The following TBC1D14 variants were observed in gnomAD, a reference collection of about 807,000 sequenced individuals.
The protein encoded by TBC1D14 is TBC1 domain family member 14.
Under a neutral mutation model 79.0 loss-of-function variants are expected in TBC1D14, and 26 were observed. The ratio of observed to expected loss-of-function variants is 0.33; its 90% CI spans 0.24 to 0.46. The LOEUF (loss-of-function observed/expected upper bound fraction) is 0.46. TBC1D14 is among the 20% of genes least tolerant of loss of function. The pLI is 1.00. For synonymous variants in TBC1D14, 394 were observed against 349.9 expected (o/e 1.13, Z -1.40); for missense variants, 769 against 887.6 (o/e 0.87, Z 1.70).
chr4:7,030,467 C>T lies in TBC1D14; in HGVS notation c.*75C>T, dbSNP rs1371578122. On this transcript the variant is annotated 3_prime_UTR_variant, in exon 14 of 14. Transcript: ENST00000409757. ...GCCCCTCTGTTGTTTCAGACTGACA[C>T]CCGGGCAGCCGAGAAGAACAGACGC... The T allele has an allele frequency of 2.0e-6, 3 of 1,489,468 alleles. No individual in the cohort carries two copies. The highest frequency in any genetic ancestry group is 1.1e-5 in the South Asian group (1 of 88,022). The allele number at this position is 1,489,468 out of a possible 1,614,324, so 92.3% of individuals were successfully genotyped here.
At chr4:6,968,747 G>A (rs954117187) in intron 3 of TBC1D14, among the ~76,000 whole-genome samples, 3 of 152,236 alleles carry the variant, frequency 2.0e-5, no homozygotes, top group South Asian at 2.1e-4. Flanking sequence ...CGCTGCACCC[G>A]GTAGCCTGCC....
Position 6,923,485 on chromosome 4 carries a change from C to G in TBC1D14, c.96C>G (p.His32Gln), listed in dbSNP as rs776630489. Residue 32 changes from histidine (H) to glutamine (Q), a missense_variant, in exon 2 of 14, where the codon CAC (histidine) becomes CAG (glutamine). By Grantham distance (24) the His-to-Gln change is conservative. Transcript: ENST00000409757. ...RPGNPLQNLQHVNLKAPRLLS... is the reference protein window; with the variant it reads ...RPGNPLQNLQQVNLKAPRLLS... ...GAAACCCCCTTCAGAACCTGCAACA[C>G]GTCAATCTCAAGGCGCCCCGACTCC... The G allele has an allele frequency of 1.2e-6, 2 of 1,614,220 alleles. No homozygotes were observed. The highest frequency in any genetic ancestry group is 1.7e-5 in the Admixed American group (1 of 60,032).
chr4:6,911,421 C>T (rs1049104148), intron 1 of TBC1D14, among the ~76,000 whole-genome samples: 1 of 152,256 alleles, frequency 6.6e-6, no homozygotes, highest in African/African-American at 2.4e-5. Flanking sequence ...CTGGGCCAGG[C>T]TCTGCTCACC....
At chr4:6,943,348 C>T (rs1327797232) in intron 2 of TBC1D14, among the ~76,000 whole-genome samples, 1 of 152,216 alleles carries the variant, frequency 6.6e-6, no homozygotes, top group Admixed American at 6.5e-5. Context: ...GCCCCTCTCC[C>T]TTCTTCTTGA....
intron 2 of TBC1D14, among the ~76,000 whole-genome samples, chr4:6,944,209 CAG>C (rs1713203429): frequency 6.6e-6 from 1 of 152,048 alleles, no homozygotes; most frequent in South Asian, 2.1e-4. Flanking sequence ...GAATTTTAAA[CAG>C]ATAAAAATGG....
At chr4:6,914,756 G>C (rs1433185982) in intron 1 of TBC1D14, among the ~76,000 whole-genome samples, 3 of 152,150 alleles carry the variant, frequency 2.0e-5, no homozygotes, top group Non-Finnish European at 4.4e-5. Context: ...AAAAGAGAAA[G>C]AGGCTGGGCT....
intron 3 of TBC1D14, among the ~76,000 whole-genome samples, chr4:6,972,183 G>C (rs1045900577): frequency 6.6e-6 from 1 of 152,202 alleles, no homozygotes; most frequent in African/African-American, 2.4e-5. Flanking sequence ...TGAGATTACA[G>C]TGAAGGGCAA....
chr4:6,962,212 T>A (rs1715282260), intron 2 of TBC1D14, among the ~76,000 whole-genome samples: 1 of 152,064 alleles, frequency 6.6e-6, no homozygotes, highest in Admixed American at 6.5e-5. Context: ...CAGGTATGGA[T>A]GGTGGCGGGA....
chr4:7,004,617 T>G (rs757218034), intron 7 of TBC1D14, among the ~76,000 whole-genome samples: 2 of 152,212 alleles, frequency 1.3e-5, no homozygotes, highest in African/African-American at 2.4e-5. Context: ...GTCAGAGAAC[T>G]AAATAGCAGT....
chr4:7,024,688 G>A (rs1722168245), intron 12 of TBC1D14, among the ~76,000 whole-genome samples: 1 of 152,230 alleles, frequency 6.6e-6, no homozygotes, highest in Non-Finnish European at 1.5e-5. Context: ...GCGTACAGCG[G>A]CCCCTAAGAC....
chr4:6,943,437 A>G lies in TBC1D14; in HGVS notation c.722+19326A>G, dbSNP rs1713104850. ...AGTGATAGTTCCCACCACCTGGAGG[A>G]TGAAGTCCAGACCAGTTGGTGTGGC... On this transcript the variant is annotated intron_variant, in intron 2 of 13. Transcript: ENST00000409757. Among the ~76,000 whole-genome samples, 3 of 152,148 alleles carry G rather than the reference A, an allele frequency of 2.0e-5. No homozygotes were observed. The South Asian group carries it at 6.2e-4, about 32-fold the overall frequency.
intron 3 of TBC1D14, among the ~76,000 whole-genome samples, chr4:6,982,819 T>C (rs550789944): frequency 1.3e-5 from 2 of 152,208 alleles, no homozygotes; most frequent in African/African-American, 4.8e-5. Flanking sequence ...ACTATTTGTA[T>C]AGTGTGGTCT....
At chr4:6,936,779 C>T (rs1314304635) in intron 2 of TBC1D14, among the ~76,000 whole-genome samples, 3 of 152,222 alleles carry the variant, frequency 2.0e-5, no homozygotes, top group African/African-American at 7.2e-5. Context: ...CCACATCCTC[C>T]CCAGCGTTTG....
intron 3 of TBC1D14, among the ~76,000 whole-genome samples, chr4:6,974,615 GCTTTGAAA>G (rs756735578): frequency 1.8e-4 from 28 of 152,144 alleles, no homozygotes; most frequent in Non-Finnish European, 3.5e-4. Context: ...CGCTTCAAAG[GCTTTGAAA>G]ACAGCTGACT....
intron 7 of TBC1D14, 89 bp downstream of exon 7, chr4:7,001,340 A>T: frequency 9.4e-7 from 1 of 1,069,012 alleles, no homozygotes; most frequent in Non-Finnish European, 1.4e-6. Context: ...AATGGCAGCC[A>T]TTGCCACGAA....
At chr4:6,929,037 G>A (rs763446529) in intron 2 of TBC1D14, among the ~76,000 whole-genome samples, 41 of 152,184 alleles carry the variant, frequency 2.7e-4, no homozygotes, top group Non-Finnish European at 4.7e-4. Flanking sequence ...AATATTGCTG[G>A]TGACTTTGCC....
chr4:7,014,422 G>C (rs1459477494), intron 11 of TBC1D14, 26 bp from the exon 12 acceptor site: 8 of 1,500,304 alleles, frequency 5.3e-6, no homozygotes, highest in Non-Finnish European at 7.4e-6. Flanking sequence ...GATAGTTTCT[G>C]AGTAAATTTC....
At chr4:7,018,151 C>G (rs970610976) in intron 12 of TBC1D14, among the ~76,000 whole-genome samples, 1 of 152,174 alleles carries the variant, frequency 6.6e-6, no homozygotes, top group African/African-American at 2.4e-5. Flanking sequence ...ACCACCTTTC[C>G]CAGAGACACG....
At chr4:6,980,767 G>A (rs1369965998) in intron 3 of TBC1D14, among the ~76,000 whole-genome samples, 1 of 151,694 alleles carries the variant, frequency 6.6e-6, no homozygotes, top group South Asian at 2.1e-4. Flanking sequence ...CCAGGCTGGA[G>A]TGCAGTGGTG....
Sources: gnomAD v4.1 joint callset for allele counts (sites outside exome capture counted in the v4.1 genomes callset) on GRCh38, gnomAD v4.1.1 for gene constraint, MANE v1.5 for transcripts, NCBI Gene and HGNC (gene_info 2026-07-23, HGNC 2026-07-21) for gene names.